Variants in FAXC observed in about 807,000 individuals in gnomAD.
The protein encoded by FAXC is failed axon connections homolog, metaxin like GST domain containing, also known as failed axon connections homolog.
A neutral mutation model predicts 41.9 loss-of-function variants in FAXC; 10 were observed. The ratio of observed to expected loss-of-function variants is 0.24; its 90% CI spans 0.15 to 0.41. The LOEUF (loss-of-function observed/expected upper bound fraction) is 0.41. Among genes scored for constraint, FAXC ranks in the 10% least tolerant of loss-of-function variants. The pLI is 1.00. For synonymous variants in FAXC, 183 were observed against 183.8 expected (o/e 1.00, Z 0.03); for missense variants, 399 against 510.9 (o/e 0.78, Z 2.11).
chr6:99,313,467 C>G (rs1424637336), intron 4 of FAXC, among the ~76,000 whole-genome samples: 1 of 152,126 alleles, frequency 6.6e-6, no homozygotes, highest in Non-Finnish European at 1.5e-5. Context: ...TCTTTTGTCA[C>G]ATGTTGCAAA....
At position 99,347,079 on chromosome 6, in the gene FAXC, T is replaced by C. The variant is rs117590508; in HGVS notation, c.266+2028A>G. On this transcript the variant is annotated intron_variant, in intron 1 of 5. Coordinates refer to ENST00000389677, the MANE Select transcript of FAXC (RefSeq NM_032511.4). ...GAGTTTGAGACAAGCCTGGGCAACATAGTGAGACCCCATCTCCACAAAAAA... is the reference window on the plus strand; with the variant it reads ...GAGTTTGAGACAAGCCTGGGCAACACAGTGAGACCCCATCTCCACAAAAAA... Among the ~76,000 whole-genome samples, 1,493 of 151,616 alleles carry C rather than the reference T, an allele frequency of 9.8e-3. 15 individuals are homozygous for C. The highest frequency in any genetic ancestry group is 0.035 in the South Asian group (166 of 4,794).
chr6:99,293,716 G>GTGTGTGTC lies in FAXC; in HGVS notation c.824-1897_824-1896insGACACACA, dbSNP rs1554198548. ...TGTGTGTGTGTGTGTGTGTGTGTCT[G>GTGTGTGTC]TGTGTGTGTGTGTGTGTGTGCATTT... On this transcript the variant is annotated intron_variant, in intron 4 of 5. Transcript: ENST00000389677. Among the ~76,000 whole-genome samples the GTGTGTGTC allele has an allele frequency of 8.2e-3, 1,138 of 139,346 alleles. 1 individual carries two copies. Among genetic ancestry groups the GTGTGTGTC allele is most frequent in the Non-Finnish European group, 0.012 (724 of 62,822 alleles). The allele number at this position is 139,346 out of a possible 152,430, so 91.4% of individuals were successfully genotyped here. A position where few individuals can be genotyped will look rare whatever the true frequency, so the allele number is the denominator to read the frequency against.
intron 4 of FAXC, among the ~76,000 whole-genome samples, chr6:99,298,224 GA>G (rs1771573270): frequency 9.6e-6 from 1 of 103,986 alleles, no homozygotes; most frequent in South Asian, 4.8e-4. Context: ...TAATCACCTG[GA>G]AGGCTTTTTT....
At chr6:99,314,385 T>C (rs1772255494) in intron 4 of FAXC, among the ~76,000 whole-genome samples, 2 of 152,014 alleles carry the variant, frequency 1.3e-5, no homozygotes, top group Non-Finnish European at 2.9e-5. Flanking sequence ...CTACAAAAAA[T>C]ACAAAATACA....
At chr6:99,342,758 A>G in intron 2 of FAXC, 140 bp downstream of exon 2, 1 of 644,042 alleles carries the variant, frequency 1.6e-6, no homozygotes, top group Non-Finnish European at 2.5e-6. Flanking sequence ...TTTCCCTCTT[A>G]CTAAGGATTA....
chr6:99,337,740 A>C (rs187178046), intron 2 of FAXC, among the ~76,000 whole-genome samples: 1 of 152,242 alleles, frequency 6.6e-6, no homozygotes, highest in Non-Finnish European at 1.5e-5. Flanking sequence ...AACTACCAAT[A>C]TTCATATCTT....
chr6:99,349,029 G>T, intron 1 of FAXC, 78 bp downstream of exon 1: 1 of 1,394,140 alleles, frequency 7.2e-7, no homozygotes, highest in Non-Finnish European at 9.9e-7. Flanking sequence ...GGGCTGGCAC[G>T]GGCCCCTCTC....
chr6:99,289,489 T>TA (rs970331272), intron 5 of FAXC, among the ~76,000 whole-genome samples: 3 of 151,742 alleles, frequency 2.0e-5, no homozygotes, highest in Admixed American at 6.6e-5. Context: ...CATTTATTTT[T>TA]AAAAAAAAAT....
chr6:99,274,742 AAAAC>A lies in FAXC; in HGVS notation c.*6418_*6421del, dbSNP rs1328624624. The A allele has an allele frequency of 6.6e-6, 1 of 152,224 alleles. No homozygotes were observed. The highest frequency in any genetic ancestry group is 1.5e-5 in the Non-Finnish European group (1 of 68,028). The allele number at this position is 152,224 out of a possible 1,614,324, so 9.4% of individuals were successfully genotyped here. On this transcript the variant is annotated 3_prime_UTR_variant, in exon 6 of 6. Coordinates refer to ENST00000389677, the MANE Select transcript of FAXC (RefSeq NM_032511.4). ...GAAGCCTTTAGCCTTATTTCTGTAAAAAACAAATCCCAGGCATAATTTGTTAAAG... is the reference window on the plus strand; with the variant it reads ...GAAGCCTTTAGCCTTATTTCTGTAAAAAATCCCAGGCATAATTTGTTAAAG...
chr6:99,311,913 G>A (rs1002447977), intron 4 of FAXC, among the ~76,000 whole-genome samples: 2 of 152,082 alleles, frequency 1.3e-5, no homozygotes, highest in Non-Finnish European at 2.9e-5. Flanking sequence ...CCACTTTTAA[G>A]TATTTGAAAA....
chr6:99,349,064 G>T (rs1312576576), intron 1 of FAXC, 43 bp downstream of exon 1: 1 of 1,589,950 alleles, frequency 6.3e-7, no homozygotes, highest in Non-Finnish European at 8.6e-7. Context: ...CTAGCCAGGT[G>T]CCCCTCTCTG....
rs538716300 is a variant in FAXC, at chr6:99,319,872, G to A, written c.823+3572C>T. On this transcript the variant is annotated intron_variant, in intron 4 of 5. Transcript: ENST00000389677. The stretch of plus-strand genomic sequence containing the variant: ...TTTACATGTTAGCTTTGTATCCTTC[G>A]TAAACTTACTGAATTCTCTCATTAA... 5.9e-5 allele frequency among the ~76,000 whole-genome samples: 9 copies of A among 152,156 alleles called. No homozygotes were observed. The South Asian group carries it at 6.2e-4, about 11-fold the overall frequency.
chr6:99,276,467 A>C lies in FAXC; in HGVS notation c.*4697T>G, dbSNP rs1770626416. The C allele has an allele frequency of 6.6e-6, 1 of 152,222 alleles. No homozygotes were observed. 9.4% of individuals were successfully genotyped at this position (152,222 alleles called of 1,614,324 possible). A position where few individuals can be genotyped will look rare whatever the true frequency, so the allele number is the denominator to read the frequency against. ...GGGGGTGGTTAAAAGATAAATGACA[A>C]GGACAACAACAAAATCCTATGACTT... On this transcript the variant is annotated 3_prime_UTR_variant, in exon 6 of 6. Coordinates refer to ENST00000389677, the MANE Select transcript of FAXC (RefSeq NM_032511.4).
rs1770564458 is a variant in FAXC at position 99,275,397 on chromosome 6, T to C, written c.*5767A>G. On this transcript the variant is annotated 3_prime_UTR_variant, in exon 6 of 6. Coordinates refer to ENST00000389677, the MANE Select transcript of FAXC (RefSeq NM_032511.4). Reference sequence around the variant, plus strand: ...CCTACTGAAATGGTCAGTTTGGTGCTGCTAGACCATATCTGTAGGTTATTC... The same window carrying C: ...CCTACTGAAATGGTCAGTTTGGTGCCGCTAGACCATATCTGTAGGTTATTC... The C allele has an allele frequency of 1.3e-5, 2 of 152,366 alleles. No homozygotes were observed. The highest frequency in any genetic ancestry group is 1.3e-4 in the Admixed American group (2 of 15,300). 9.4% of individuals were successfully genotyped at this position (152,366 alleles called of 1,614,324 possible). A position where few individuals can be genotyped will look rare whatever the true frequency, so the allele number is the denominator to read the frequency against.
intron 3 of FAXC, among the ~76,000 whole-genome samples, chr6:99,330,110 T>A (rs1052933709): frequency 1.2e-4 from 18 of 151,900 alleles, no homozygotes; most frequent in South Asian, 4.2e-4. Flanking sequence ...TCCTCCTACC[T>A]CAGCTTCACA....
At chr6:99,332,141 G>T (rs2128462467) in intron 3 of FAXC, among the ~76,000 whole-genome samples, 1 of 152,126 alleles carries the variant, frequency 6.6e-6, no homozygotes, top group East Asian at 1.9e-4. Flanking sequence ...GAATAAACTG[G>T]GCAAGAATCA....
rs1407094098 is a variant in FAXC at position 99,280,035 on chromosome 6, T to C, written c.*1129A>G. ...ATGAAATACTTTCCCTTCAACTCTA[T>C]GAAACCTGCCATATACCTGAGATTT... is the stretch of plus-strand genomic sequence containing the variant. On this transcript the variant is annotated 3_prime_UTR_variant, in exon 6 of 6. Coordinates refer to ENST00000389677, the MANE Select transcript of FAXC (RefSeq NM_032511.4). 6.6e-6 allele frequency: 1 copy of C among 152,204 alleles called. No homozygotes were observed. Among genetic ancestry groups the C allele is most frequent in the Non-Finnish European group, 1.5e-5 (1 of 68,044 alleles). 9.4% of individuals were successfully genotyped at this position (152,204 alleles called of 1,614,324 possible).
At chr6:99,326,658 C>T (rs126849) in intron 3 of FAXC, among the ~76,000 whole-genome samples, 134,440 of 152,080 alleles carry the variant, frequency 0.88, 59,857 homozygotes, top group East Asian at 1. Context: ...CTTAGGAAGT[C>T]TCTAGAGTGT....
chr6:99,306,969 T>C (rs1034544055), intron 4 of FAXC, among the ~76,000 whole-genome samples: 3 of 152,188 alleles, frequency 2.0e-5, no homozygotes, highest in Admixed American at 1.3e-4. Flanking sequence ...TCTCTGGAGC[T>C]GAAAAGGTGG....
Sources: allele counts gnomAD v4.1 joint callset (sites outside exome capture counted in the v4.1 genomes callset), GRCh38; gene constraint gnomAD v4.1.1; transcripts MANE v1.5; gene names NCBI Gene and HGNC (gene_info 2026-07-23, HGNC 2026-07-21).